PROCA1: variants seen among roughly 807,000 people sequenced by gnomAD.
PROCA1 encodes protein PROCA1.
Under a neutral mutation model 23.2 loss-of-function variants are expected in PROCA1, and 22 were observed. That is an observed-to-expected ratio of 0.95 (90% CI 0.68 to 1.35). PROCA1 has a LOEUF of 1.35. Ranked by LOEUF, PROCA1 falls within the 40% of genes most tolerant of loss-of-function variation. The probability of loss-of-function intolerance (pLI) is 0.00; values close to 1 mark genes in which losing one functional copy is unlikely to be tolerated. For synonymous variants in PROCA1, 182 were observed against 179.2 expected (o/e 1.02, Z -0.12); for missense variants, 469 against 459.8 (o/e 1.02, Z -0.18).
Position 28,703,490 on chromosome 17 carries a change from A to G in PROCA1, c.*68T>C, listed in dbSNP as rs1011621658. 1.3e-6 allele frequency: 2 copies of G among 1,495,674 alleles called. No homozygotes were observed. The highest frequency in any genetic ancestry group is 2.8e-5 in the African/African-American group (2 of 72,130). 92.7% of individuals were successfully genotyped at this position (1,495,674 alleles called of 1,614,324 possible). A position where few individuals can be genotyped will look rare whatever the true frequency, so the allele number is the denominator to read the frequency against. On this transcript the variant is annotated 3_prime_UTR_variant, in exon 5 of 5. Transcript: ENST00000682792. ...CGCAAGAAACAGCCAGGTTGGAGGGAGAGAACAGCAGCAGAGGGCCAGCCA... is the reference window on the plus strand; with the variant it reads ...CGCAAGAAACAGCCAGGTTGGAGGGGGAGAACAGCAGCAGAGGGCCAGCCA...
rs201149555 is a variant in PROCA1 at position 28,704,396 on chromosome 17, G to A, written c.351C>T (p.Gly117=). The A allele has an allele frequency of 1.7e-5, 28 of 1,613,736 alleles. 1 individual carries two copies. The highest frequency in any genetic ancestry group is 6.6e-5 in the South Asian group (6 of 91,070). The change falls in exon 4 of 5, where the codon GGC becomes GGT. Residue 117 remains glycine, a synonymous_variant. Transcript: ENST00000682792. ...TGACATGGGAGCAGGTTGGGCCCGC[G>A]CCCCGGGAGCTGCTGCTATCCTCTG... ...DSSEDSSSSR[G]AGPTCSHVIE...
In PROCA1 at chr17:28,704,131, T is replaced by C; in HGVS notation, c.522A>G (p.Glu174=). 1 of 1,563,004 alleles carries C rather than the reference T, an allele frequency of 6.4e-7. No homozygotes were observed. The highest frequency in any genetic ancestry group is 1.4e-5 in the African/African-American group (1 of 72,856). Residue 174 remains glutamate, a synonymous_variant, in exon 5 of 5, where the codon GAA becomes GAG. Coordinates refer to ENST00000682792, the MANE Select transcript of PROCA1 (RefSeq NM_001366301.1). ...TTTCCTCCTCCTCCTCTTCCTCTTC[T>C]TCATTTAGATCATCTGCCCCACACT... ...YHECGADDLN[E]EEEEEEEESK...
chr17:28,709,782 A>AG (rs2032694457), intron 1 of PROCA1, among the ~76,000 whole-genome samples: 2 of 150,422 alleles, frequency 1.3e-5, no homozygotes, highest in Non-Finnish European at 3.0e-5. Context: ...GGATCACTTG[A>AG]GGTCCGGAGT....
At chr17:28,704,242 A>C (rs1361717155) in intron 4 of PROCA1, 30 bp from the exon 5 acceptor site, 1 of 1,561,480 alleles carries the variant, frequency 6.4e-7, no homozygotes, top group Non-Finnish European at 8.7e-7. Flanking sequence ...GGGAAGTTTG[A>C]CAGAGAGTGG....
intron 3 of PROCA1, 118 bp from the exon 4 acceptor site, chr17:28,704,553 C>T (rs1567713673): frequency 2.6e-6 from 4 of 1,544,092 alleles, no homozygotes; most frequent in Non-Finnish European, 3.5e-6. Flanking sequence ...ACCTCCTCCC[C>T]ATTTCTCTTA....
chr17:28,704,273 C>A (rs1486726663), intron 4 of PROCA1, 34 bp downstream of exon 4: 8 of 1,593,976 alleles, frequency 5.0e-6, no homozygotes, highest in African/African-American at 1.3e-5. Context: ...CCTGTAGAGG[C>A]CCCTTCCCCA....
intron 1 of PROCA1, chr17:28,711,151 T>C (rs2032761650): frequency 1.7e-6 from 2 of 1,183,008 alleles, no homozygotes; most frequent in Non-Finnish European, 1.1e-6. Context: ...TCAGTCTCCT[T>C]GGTCCACCCT....
At position 28,708,731 on chromosome 17, in the gene PROCA1, G is replaced by GAAAAAAAAAAAAC. The variant is rs1555553139; in HGVS notation, c.92-1969_92-1968insGTTTTTTTTTTTT. On this transcript the variant is annotated intron_variant, in intron 1 of 4. Coordinates refer to ENST00000682792, the MANE Select transcript of PROCA1 (RefSeq NM_001366301.1). ...GCGAGACCCCGTTCTCCAGAAAAAG[G>GAAAAAAAAAAAAC]AAAAAAAAAAAAAAACGACATTTTG... is the stretch of plus-strand genomic sequence containing the variant. 5.9e-5 allele frequency among the ~76,000 whole-genome samples: 6 copies of GAAAAAAAAAAAAC among 101,014 alleles called. No individual in the cohort carries two copies. The East Asian group carries it at 2.0e-3, about 34-fold the overall frequency. The allele number at this position is 101,014 out of a possible 152,430, so 66.3% of individuals were successfully genotyped here.
Position 28,704,733 on chromosome 17 carries a change from C to T in PROCA1, c.286G>A (p.Val96Ile). ...CVRHSLHLHSVNHCNCNSRLK... is the reference protein window; with the variant it reads ...CVRHSLHLHSINHCNCNSRLK... Reference sequence around the variant, plus strand: ...CTAGAATTACAGTTGCAGTGGTTGACAGAGTGTAGGTGCAGGCTGTGGCGG... The same window carrying T: ...CTAGAATTACAGTTGCAGTGGTTGATAGAGTGTAGGTGCAGGCTGTGGCGG... The change falls in exon 3 of 5, where the codon GTC (valine) becomes ATC (isoleucine). Residue 96 changes from valine (V) to isoleucine (I), a missense_variant. Coordinates refer to ENST00000682792, the MANE Select transcript of PROCA1 (RefSeq NM_001366301.1). The T allele has an allele frequency of 1.2e-6, 2 of 1,614,132 alleles. No homozygotes were observed. Among genetic ancestry groups the T allele is most frequent in the Non-Finnish European group, 1.7e-6 (2 of 1,179,986 alleles).
chr17:28,705,310 C>A (rs2032417196), intron 2 of PROCA1: 1 of 157,818 alleles, frequency 6.3e-6, no homozygotes, highest in East Asian at 1.9e-4. Flanking sequence ...GGAGCTAAGG[C>A]CTGCATCATG....
intron 1 of PROCA1, chr17:28,710,788 T>C (rs1336880305): frequency 7.7e-6 from 10 of 1,303,554 alleles, no homozygotes; most frequent in Middle Eastern, 4.2e-4. Context: ...AGGAGGGTGA[T>C]AGGGTGAAAG....
At chr17:28,710,312 C>A (rs531669789) in intron 1 of PROCA1, among the ~76,000 whole-genome samples, 7 of 151,866 alleles carry the variant, frequency 4.6e-5, no homozygotes, top group Non-Finnish European at 7.4e-5. Flanking sequence ...GCCTGACCAA[C>A]ATGGTGAAAC....
intron 2 of PROCA1, 81 bp downstream of exon 2, chr17:28,706,599 G>A: frequency 9.6e-7 from 1 of 1,038,654 alleles, no homozygotes; most frequent in Non-Finnish European, 1.3e-6. Context: ...CCCTGCCTCA[G>A]GACCAAGCTT....
In PROCA1 at chr17:28,705,435, C is replaced by G. The variant is rs934390197; in HGVS notation, c.176-592G>C. The G allele has an allele frequency of 5.9e-5, 9 of 153,616 alleles. No homozygotes were observed. The East Asian group carries it at 1.7e-3, about 30-fold the overall frequency. 9.5% of individuals were successfully genotyped at this position (153,616 alleles called of 1,614,324 possible). A position where few individuals can be genotyped will look rare whatever the true frequency, so the allele number is the denominator to read the frequency against. Reference sequence around the variant, plus strand: ...CTCACTCCCCTCCCTTCCCATGCCCCCTTCTTGATCCTTTCCCTGCTCTTC... The same window carrying G: ...CTCACTCCCCTCCCTTCCCATGCCCGCTTCTTGATCCTTTCCCTGCTCTTC... On this transcript the variant is annotated intron_variant, in intron 2 of 4. Coordinates refer to ENST00000682792, the MANE Select transcript of PROCA1 (RefSeq NM_001366301.1).
chr17:28,707,252 A>G (rs963893216), intron 1 of PROCA1: 3 of 162,378 alleles, frequency 1.8e-5, no homozygotes, highest in Non-Finnish European at 4.1e-5. Context: ...AGCAGCCACA[A>G]GACAGTCTGC....
At position 28,703,605 on chromosome 17, in the gene PROCA1, C is replaced by G; in HGVS notation, c.1048G>C (p.Val350Leu). Residue 350 changes from valine (V) to leucine (L), a missense_variant, in exon 5 of 5, where the codon GTA (valine) becomes CTA (leucine). Val to Leu is a conservative substitution (Grantham distance 32). Coordinates refer to ENST00000682792, the MANE Select transcript of PROCA1 (RefSeq NM_001366301.1). ...CCTGGGGGAGATTTTCTCTTGTTTA[C>G]CTTCCTGGCTTGTGAGGGCTTTGCC... ...TGAKPSQARK[V>L]NKRKSPPGSN... The G allele has an allele frequency of 6.2e-7, 1 of 1,614,214 alleles. No individual in the cohort carries two copies. The highest frequency in any genetic ancestry group is 8.5e-7 in the Non-Finnish European group (1 of 1,180,038).
rs746509784 is a variant in PROCA1 at position 28,704,130 on chromosome 17, C to T, written c.523G>A (p.Glu175Lys). 40 of 1,564,726 alleles carry T rather than the reference C, an allele frequency of 2.6e-5. No homozygotes were observed. Among genetic ancestry groups the T allele is most frequent in the South Asian group, 8.5e-5 (7 of 82,794 alleles). ...CTTTCCTCCTCCTCCTCTTCCTCTT[C>T]TTCATTTAGATCATCTGCCCCACAC... ...HECGADDLNE[E>K]EEEEEEESKP... Residue 175 changes from glutamate (E) to lysine (K), a missense_variant, in exon 5 of 5, where the codon GAA becomes AAA. Physicochemically the swap from Glu to Lys is moderately conservative, Grantham distance 56 (BLOSUM62 1). Coordinates refer to ENST00000682792, the MANE Select transcript of PROCA1 (RefSeq NM_001366301.1).
chr17:28,711,271 C>T (rs999020971), intron 1 of PROCA1: 1 of 657,002 alleles, frequency 1.5e-6, no homozygotes, highest in Non-Finnish European at 2.3e-6. Flanking sequence ...CCGGTGCCAC[C>T]CAGTCCGATA....
At chr17:28,704,686 C>T (rs889933386) in intron 3 of PROCA1, 22 bp downstream of exon 3, 1 of 1,613,044 alleles carries the variant, frequency 6.2e-7, no homozygotes, top group Non-Finnish European at 8.5e-7. Context: ...GCCATGGGTC[C>T]CCCAAGGGGG....
Sources: allele counts gnomAD v4.1 joint callset (sites outside exome capture counted in the v4.1 genomes callset), GRCh38; gene constraint gnomAD v4.1.1; transcripts MANE v1.5; gene names NCBI Gene and HGNC (gene_info 2026-07-23, HGNC 2026-07-21).